Variants in DISC1 observed in about 807,000 individuals in gnomAD.
DISC1 encodes the protein disrupted in schizophrenia 1 protein.
Under a neutral mutation model 84.5 loss-of-function variants are expected in DISC1, and 57 were observed. That is an observed-to-expected ratio of 0.67 (90% CI 0.55 to 0.84). DISC1 has a LOEUF of 0.84. Ranked by LOEUF, DISC1 falls within the 40% of genes least tolerant of loss-of-function variation. The pLI, the probability that DISC1 is intolerant of heterozygous loss-of-function variation, is 0.00. For missense variants in DISC1, 1,000 were observed against 1,057.8 expected, an observed-to-expected ratio of 0.95 and a Z score of 0.76; for synonymous variants, 411 against 415.2, an observed-to-expected ratio of 0.99 and a Z score of 0.12.
intron 1 of DISC1, among the ~76,000 whole-genome samples, chr1:231,646,272 C>T (rs750494127): frequency 7.9e-5 from 12 of 151,568 alleles, no homozygotes; most frequent in South Asian, 2.1e-4. Context: ...TTTGTCCTTG[C>T]GATAGTTTGC....
chr1:231,677,666 G>T (rs2063289159), intron 1 of DISC1, among the ~76,000 whole-genome samples: 1 of 152,210 alleles, frequency 6.6e-6, no homozygotes. Context: ...CACCCAGGTG[G>T]GAACTGACCG....
chr1:231,716,573 C>T (rs566338549), intron 3 of DISC1, among the ~76,000 whole-genome samples: 5 of 151,838 alleles, frequency 3.3e-5, no homozygotes, highest in South Asian at 4.2e-4. Context: ...GGCAATCCTG[C>T]TTTTAAGAGT....
chr1:231,661,371 G>C (rs2061550707), intron 1 of DISC1, among the ~76,000 whole-genome samples: 1 of 152,038 alleles, frequency 6.6e-6, no homozygotes. Flanking sequence ...GTCCCTTTCA[G>C]GTATCCCAAT....
intron 10 of DISC1, among the ~76,000 whole-genome samples, chr1:231,975,919 C>A (rs1422917116): frequency 1.3e-5 from 2 of 152,206 alleles, no homozygotes; most frequent in Non-Finnish European, 2.9e-5. Flanking sequence ...CCTGACTTAA[C>A]CACTAGGCAA....
intron 1 of DISC1, among the ~76,000 whole-genome samples, chr1:231,647,766 G>A (rs1558238669): frequency 6.6e-6 from 1 of 152,144 alleles, no homozygotes; most frequent in Non-Finnish European, 1.5e-5. Context: ...CCTTGAAGAG[G>A]TTCTTTACAT....
At position 231,675,142 on chromosome 1, in the gene DISC1, A is replaced by G. The variant is rs1056987665; in HGVS notation, c.68-18684A>G. Among the ~76,000 whole-genome samples the G allele has an allele frequency of 6.6e-6, 1 of 152,144 alleles. No individual in the cohort carries two copies. Among genetic ancestry groups the G allele is most frequent in the African/African-American group, 2.4e-5 (1 of 41,416 alleles). On this transcript the variant is annotated intron_variant, in intron 1 of 12. Transcript: ENST00000439617. The surrounding 1 kb of genome is among the most constrained non-coding windows in gnomAD (Gnocchi z 4.1). ...TGATAATGAAAAGCTGAGACCCTTG[A>G]TACTCTGCACACGGCTAGTATGGGC...
At chr1:231,748,722 G>T (rs753299195) in intron 3 of DISC1, among the ~76,000 whole-genome samples, 11 of 152,166 alleles carry the variant, frequency 7.2e-5, no homozygotes, top group Non-Finnish European at 1.2e-4. Flanking sequence ...TCTCATTTTG[G>T]TGTCAGAGTA....
chr1:231,996,653 A>G (rs1666003111), intron 10 of DISC1, among the ~76,000 whole-genome samples: 1 of 152,124 alleles, frequency 6.6e-6, no homozygotes, highest in South Asian at 2.1e-4. Flanking sequence ...CTCACTGCCT[A>G]CCCTCTCCCA....
At chr1:231,801,427 C>T (rs887285024) in intron 8 of DISC1, among the ~76,000 whole-genome samples, 2 of 152,234 alleles carry the variant, frequency 1.3e-5, no homozygotes, top group Admixed American at 1.3e-4. Context: ...GAGATAGCCT[C>T]ACTCCAATGT....
chr1:231,725,815 G>A lies in DISC1; in HGVS notation c.1117+23791G>A, dbSNP rs146309496. Among the ~76,000 whole-genome samples the A allele has an allele frequency of 3.3e-4, 50 of 152,138 alleles. 1 individual carries two copies. In the East Asian group the frequency reaches 9.1e-3, roughly 28 times the overall value. ...CTGGCTGAAGGCCCTTCTGGGCTGG[G>A]TCCATATGCCCAAGAGGGTGACACT... On this transcript the variant is annotated intron_variant, in intron 3 of 12. Coordinates refer to ENST00000439617, the MANE Select transcript of DISC1 (RefSeq NM_018662.3).
intron 9 of DISC1, among the ~76,000 whole-genome samples, chr1:231,942,120 C>T (rs2091381019): frequency 2.0e-5 from 3 of 152,040 alleles, no homozygotes; most frequent in African/African-American, 4.8e-5. Flanking sequence ...CCATGCCCCA[C>T]CTGAAGGTTT....
chr1:231,983,199 CATG>C (rs2102878139), intron 10 of DISC1, among the ~76,000 whole-genome samples: 1 of 152,114 alleles, frequency 6.6e-6, no homozygotes, highest in East Asian at 2.0e-4. Context: ...CATCACCCTC[CATG>C]ATGCCAAGGA....
At chr1:232,022,731 G>T (rs1450119014) in intron 11 of DISC1, among the ~76,000 whole-genome samples, 2 of 152,144 alleles carry the variant, frequency 1.3e-5, no homozygotes, top group African/African-American at 4.8e-5. Context: ...TCAATTCTCA[G>T]TTTAGGTCTA....
chr1:231,721,805 G>C (rs1056158376), intron 3 of DISC1, among the ~76,000 whole-genome samples: 3 of 151,820 alleles, frequency 2.0e-5, no homozygotes, highest in African/African-American at 7.3e-5. Flanking sequence ...CTAAAAAAAA[G>C]AAAAAGAAAA....
At chr1:231,679,754 TAA>T (rs1352222193) in intron 1 of DISC1, among the ~76,000 whole-genome samples, 1 of 152,222 alleles carries the variant, frequency 6.6e-6, no homozygotes, top group East Asian at 1.9e-4. Flanking sequence ...TTAAACATCC[TAA>T]GTTTTCCCAC....
At chr1:231,809,523 T>TTTAAA (rs1491410470) in intron 8 of DISC1, among the ~76,000 whole-genome samples, 1 of 78,140 alleles carries the variant, frequency 1.3e-5, no homozygotes. Flanking sequence ...CTTTTTTTTT[T>TTTAAA]GAAAAAAAAA....
chr1:231,804,048 C>A (rs1487571106), intron 8 of DISC1, among the ~76,000 whole-genome samples: 1 of 150,640 alleles, frequency 6.6e-6, no homozygotes. Context: ...AGAAGCAAGT[C>A]ACTAAGTTCA....
intron 2 of DISC1, among the ~76,000 whole-genome samples, chr1:231,695,521 G>T (rs2065548123): frequency 6.6e-6 from 1 of 152,186 alleles, no homozygotes; most frequent in Non-Finnish European, 1.5e-5. Context: ...CCCAGGTAGA[G>T]ATGCTCTGTG....
At chr1:231,650,768 CT>C (rs2060547911) in intron 1 of DISC1, among the ~76,000 whole-genome samples, 1 of 152,152 alleles carries the variant, frequency 6.6e-6, no homozygotes, top group African/African-American at 2.4e-5. Context: ...TTTCTTTTTA[CT>C]CTTTTTTCTC....
Sources: allele counts gnomAD v4.1 joint callset (sites outside exome capture counted in the v4.1 genomes callset), GRCh38; gene constraint gnomAD v4.1.1; non-coding constraint Gnocchi (gnomAD v3.1); transcripts MANE v1.5; gene names NCBI Gene and HGNC (gene_info 2026-07-23, HGNC 2026-07-21).